The following DOP1B variants were observed in gnomAD, a reference collection of about 807,000 sequenced individuals.
DOP1B encodes the protein protein DOP1B.
Under a neutral mutation model 233.5 loss-of-function variants are expected in DOP1B, and 174 were observed. The ratio of observed to expected loss-of-function variants is 0.75; its 90% CI spans 0.66 to 0.85. The LOEUF (loss-of-function observed/expected upper bound fraction) is 0.85, where lower values mean the gene tolerates loss of function less well. Ranked by LOEUF, DOP1B falls within the 40% of genes least tolerant of loss-of-function variation. The probability of loss-of-function intolerance (pLI) is 0.00; values close to 1 mark genes in which losing one functional copy is unlikely to be tolerated. For synonymous variants in DOP1B, 1,190 were observed against 1,185.6 expected (o/e 1.00, Z -0.08); for missense variants, 2,652 against 2,846.6 (o/e 0.93, Z 1.56).
chr21:36,243,353 T>G (rs1239428571), intron 18 of DOP1B, among the ~76,000 whole-genome samples: 1 of 151,634 alleles, frequency 6.6e-6, no homozygotes, highest in Non-Finnish European at 1.5e-5. Context: ...TCACTAATTT[T>G]TTTTTCCTTT....
chr21:36,231,686 T>G (rs58376450), intron 14 of DOP1B, among the ~76,000 whole-genome samples: 1,741 of 150,672 alleles, frequency 0.012, 48 homozygotes, highest in African/African-American at 0.04. Context: ...TTTGTTTTTT[T>G]TTTTTTTTTG....
intron 15 of DOP1B, among the ~76,000 whole-genome samples, chr21:36,233,953 A>G (rs34807968): frequency 0.16 from 24,028 of 151,990 alleles, 2,129 homozygotes; most frequent in East Asian, 0.36. Flanking sequence ...TCCCATGTTC[A>G]AGCAATTCTC....
intron 4 of DOP1B, among the ~76,000 whole-genome samples, chr21:36,208,237 T>G (rs899540580): frequency 6.6e-6 from 1 of 152,192 alleles, no homozygotes; most frequent in African/African-American, 2.4e-5. Flanking sequence ...CTTGGCACAT[T>G]TTTGGCTGTG....
At chr21:36,251,079 A>G (rs557155720) in intron 21 of DOP1B, 83 bp from the exon 22 acceptor site, 23 of 1,501,174 alleles carry the variant, frequency 1.5e-5, no homozygotes, top group Admixed American at 8.8e-5. Context: ...TGCTCTCGGT[A>G]TGGACAGCAG....
At chr21:36,227,403 CG>C (rs1232936717) in intron 12 of DOP1B, among the ~76,000 whole-genome samples, 2 of 151,020 alleles carry the variant, frequency 1.3e-5, no homozygotes, top group Admixed American at 6.6e-5. Flanking sequence ...AAAAATTAGC[CG>C]GGCGTGGTGG....
chr21:36,246,416 A>C lies in DOP1B; in HGVS notation c.4436A>C (p.Gln1479Pro). The change falls in exon 19 of 37, where the codon CAG (glutamine) becomes CCG (proline). Residue 1479 changes from glutamine (Q) to proline (P), a missense_variant. Physicochemically the swap from Gln to Pro is moderately conservative, Grantham distance 76. Coordinates refer to ENST00000691173, the MANE Select transcript of DOP1B (RefSeq NM_001320714.2). The surrounding 1 kb of genome is among the most constrained non-coding windows in gnomAD (Gnocchi z 5.1). ...GAGTGGCAGAGAGCCCTGAACTTCC[A>C]GCAGGCCATCAGCGCCCTGCAGTAC... Reference protein sequence around the residue: ...SREWQRALNFQQAISALQYVQ... With the variant: ...SREWQRALNFPQAISALQYVQ... 6.2e-7 allele frequency: 1 copy of C among 1,613,538 alleles called. No homozygotes were observed. The highest frequency in any genetic ancestry group is 1.1e-5 in the South Asian group (1 of 91,034).
chr21:36,260,274 A>G (rs939532551), intron 23 of DOP1B, among the ~76,000 whole-genome samples: 26 of 93,442 alleles, frequency 2.8e-4, no homozygotes, highest in African/African-American at 1.8e-3. Context: ...AAGGAAAGAA[A>G]GAAAGAAAGA....
intron 23 of DOP1B, among the ~76,000 whole-genome samples, chr21:36,254,595 C>G (rs2067071205): frequency 6.6e-6 from 1 of 152,156 alleles, no homozygotes; most frequent in African/African-American, 2.4e-5. Flanking sequence ...GATTCTGTTT[C>G]AAAGGGATGG....
chr21:36,168,795 A>G (rs1401191213), intron 2 of DOP1B, among the ~76,000 whole-genome samples: 3 of 151,958 alleles, frequency 2.0e-5, no homozygotes, highest in Non-Finnish European at 4.4e-5. Flanking sequence ...AACCTCCCAA[A>G]GTGCTGGGAT....
intron 18 of DOP1B, among the ~76,000 whole-genome samples, chr21:36,240,314 T>C (rs2066878632): frequency 6.6e-6 from 1 of 152,032 alleles, no homozygotes; most frequent in African/African-American, 2.4e-5. Context: ...ACCCCGTCTC[T>C]ACTAAAAATA....
chr21:36,252,868 G>A (rs1401001582), intron 22 of DOP1B, among the ~76,000 whole-genome samples: 2 of 152,092 alleles, frequency 1.3e-5, no homozygotes, highest in Non-Finnish European at 2.9e-5. Flanking sequence ...GTCCTGCAGG[G>A]GTCGGCTTAC....
At chr21:36,180,778 G>A (rs144165170) in intron 2 of DOP1B, among the ~76,000 whole-genome samples, 15 of 152,074 alleles carry the variant, frequency 9.9e-5, no homozygotes, top group Non-Finnish European at 1.6e-4. Context: ...CTACTTGAGA[G>A]ACTGAGGCAT....
chr21:36,211,090 CT>C (rs1569023438), intron 5 of DOP1B, among the ~76,000 whole-genome samples: 1 of 152,254 alleles, frequency 6.6e-6, no homozygotes, highest in Non-Finnish European at 1.5e-5. Flanking sequence ...CATCATTGTT[CT>C]CTGCAGTTGA....
At chr21:36,189,735 G>A (rs552500854) in intron 2 of DOP1B, among the ~76,000 whole-genome samples, 7 of 151,784 alleles carry the variant, frequency 4.6e-5, no homozygotes, top group Non-Finnish European at 7.4e-5. Flanking sequence ...TTTGGGTTAG[G>A]CACAGTGGCT....
At chr21:36,276,854 A>AAAAAAG (rs1555899282) in intron 27 of DOP1B, among the ~76,000 whole-genome samples, 167 bp from the exon 28 acceptor site, 11 of 151,164 alleles carry the variant, frequency 7.3e-5, no homozygotes, top group Non-Finnish European at 8.9e-5. Context: ...AAAAAAAAAA[A>AAAAAAG]AAAAAGAAAA....
At chr21:36,209,845 A>G (rs1009872736) in intron 5 of DOP1B, among the ~76,000 whole-genome samples, 1 of 152,044 alleles carries the variant, frequency 6.6e-6, no homozygotes, top group Non-Finnish European at 1.5e-5. Context: ...CTTTGATCTT[A>G]AAGTGTTCAG....
chr21:36,213,876 C>A (rs980890659), intron 7 of DOP1B, among the ~76,000 whole-genome samples: 1 of 151,948 alleles, frequency 6.6e-6, no homozygotes, highest in Non-Finnish European at 1.5e-5. Flanking sequence ...AAATTGATAC[C>A]CATTGAGGTG....
intron 20 of DOP1B, among the ~76,000 whole-genome samples, 163 bp downstream of exon 20, chr21:36,247,791 C>T (rs1601447241): frequency 6.6e-6 from 1 of 152,390 alleles, no homozygotes; most frequent in East Asian, 1.9e-4. Context: ...GTCACGTACA[C>T]ACGTATGCAA....
chr21:36,214,077 G>A lies in DOP1B; in HGVS notation c.905-4G>A, dbSNP rs756146790. On this transcript the variant is annotated splice_polypyrimidine_tract_variant and splice_region_variant and intron_variant, in intron 7 of 36. Transcript: ENST00000691173. ...TTTACAGCTCGGCGCTTGTTCTTTT[G>A]TAGGCTCAGACATAAAAGGAAATAC... The A allele has an allele frequency of 2.5e-6, 4 of 1,608,754 alleles. No individual in the cohort carries two copies. Among genetic ancestry groups the A allele is most frequent in the Admixed American group, 1.7e-5 (1 of 59,448 alleles).
Sources: allele counts gnomAD v4.1 joint callset (sites outside exome capture counted in the v4.1 genomes callset), GRCh38; gene constraint gnomAD v4.1.1; non-coding constraint Gnocchi (gnomAD v3.1); transcripts MANE v1.5; gene names NCBI Gene and HGNC (gene_info 2026-07-23, HGNC 2026-07-21).